Variants in RALGAPA2 observed in about 807,000 individuals in gnomAD.
The protein encoded by RALGAPA2 is Ral GTPase activating protein catalytic subunit alpha 2, also known as ral GTPase-activating protein subunit alpha-2.
Under a neutral mutation model 230.4 loss-of-function variants are expected in RALGAPA2, and 139 were observed. The ratio of observed to expected loss-of-function variants is 0.60; its 90% CI spans 0.53 to 0.69. The LOEUF is 0.69. Ranked by LOEUF, RALGAPA2 falls within the 30% of genes least tolerant of loss-of-function variation. RALGAPA2 has a pLI of 0.00. For synonymous variants in RALGAPA2, 847 were observed against 837.8 expected (o/e 1.01, Z -0.19); for missense variants, 2,163 against 2,276.0 (o/e 0.95, Z 1.01).
At chr20:20,505,078 C>T in intron 34 of RALGAPA2, 2 of 985,386 alleles carry the variant, frequency 2.0e-6, no homozygotes, top group South Asian at 9.4e-5. Context: ...TCTTCAATCT[C>T]CATACTGTGG....
chr20:20,475,301 C>T (rs1049495919), intron 36 of RALGAPA2, among the ~76,000 whole-genome samples: 1 of 151,970 alleles, frequency 6.6e-6, no homozygotes, highest in Admixed American at 6.6e-5. Flanking sequence ...AGCAATGATG[C>T]AAAAATCCTT....
At chr20:20,463,881 T>C (rs1245880724) in intron 37 of RALGAPA2, among the ~76,000 whole-genome samples, 1 of 152,258 alleles carries the variant, frequency 6.6e-6, no homozygotes, top group Non-Finnish European at 1.5e-5. Flanking sequence ...ATGCTTTTGA[T>C]ATGATGACCA....
chr20:20,404,919 C>A (rs1175107651), intron 38 of RALGAPA2, among the ~76,000 whole-genome samples: 2 of 152,218 alleles, frequency 1.3e-5, no homozygotes, highest in Non-Finnish European at 2.9e-5. Flanking sequence ...ATTCTGGGAA[C>A]CTATGAATAC....
intron 3 of RALGAPA2, among the ~76,000 whole-genome samples, chr20:20,657,506 T>C (rs1240640098): frequency 6.6e-6 from 1 of 152,200 alleles, no homozygotes; most frequent in Non-Finnish European, 1.5e-5. Context: ...AATATTCTCA[T>C]CACATTGGAA....
intron 37 of RALGAPA2, among the ~76,000 whole-genome samples, chr20:20,449,326 A>T (rs892217439): frequency 4.6e-5 from 7 of 152,218 alleles, no homozygotes; most frequent in African/African-American, 1.7e-4. Flanking sequence ...AGGGTTGAGG[A>T]AAGCTGTGTG....
At chr20:20,603,883 G>A (rs975931037) in intron 15 of RALGAPA2, among the ~76,000 whole-genome samples, 31 of 152,146 alleles carry the variant, frequency 2.0e-4, no homozygotes, top group African/African-American at 7.5e-4. Context: ...ATTATTAAAG[G>A]GTAGTCTACA....
chr20:20,668,101 T>A (rs550446211), intron 3 of RALGAPA2, among the ~76,000 whole-genome samples: 6 of 152,302 alleles, frequency 3.9e-5, no homozygotes, highest in Non-Finnish European at 8.8e-5. Context: ...TGAAAAGTGG[T>A]CTTTCAAACG....
At chr20:20,426,415 A>G (rs1269334586) in intron 37 of RALGAPA2, among the ~76,000 whole-genome samples, 1 of 152,148 alleles carries the variant, frequency 6.6e-6, no homozygotes, top group Non-Finnish European at 1.5e-5. Context: ...AAAAATATAC[A>G]CATATAGCTC....
intron 23 of RALGAPA2, among the ~76,000 whole-genome samples, chr20:20,557,451 T>A (rs2064118759): frequency 6.6e-6 from 1 of 152,218 alleles, no homozygotes; most frequent in Non-Finnish European, 1.5e-5. Flanking sequence ...TTCCCAGGTT[T>A]ATTATTCACA....
chr20:20,657,515 A>G (rs1383073981), intron 3 of RALGAPA2, among the ~76,000 whole-genome samples: 1 of 152,224 alleles, frequency 6.6e-6, no homozygotes, highest in African/African-American at 2.4e-5. Context: ...ATCACATTGG[A>G]AAGCTGAAGT....
intron 1 of RALGAPA2, among the ~76,000 whole-genome samples, chr20:20,709,306 G>A (rs2069746548): frequency 6.6e-6 from 1 of 151,702 alleles, no homozygotes; most frequent in South Asian, 2.1e-4. Flanking sequence ...GTAACAGAGT[G>A]AGACTCCATC....
At chr20:20,708,525 C>T (rs2147040727) in intron 1 of RALGAPA2, among the ~76,000 whole-genome samples, 1 of 152,280 alleles carries the variant, frequency 6.6e-6, no homozygotes, top group South Asian at 2.1e-4. Context: ...TCTTGCCTGC[C>T]ACCATGTAAG....
chr20:20,559,853 C>T (rs2145829881), intron 23 of RALGAPA2, among the ~76,000 whole-genome samples: 1 of 152,202 alleles, frequency 6.6e-6, no homozygotes, highest in South Asian at 2.1e-4. Context: ...ATGCATCATG[C>T]CCTGTTGTAC....
At chr20:20,623,591 G>T (rs915183618) in intron 10 of RALGAPA2, among the ~76,000 whole-genome samples, 4 of 151,782 alleles carry the variant, frequency 2.6e-5, no homozygotes, top group South Asian at 4.2e-4. Flanking sequence ...AGCCAGGGGA[G>T]ATGGGAACCT....
chr20:20,526,969 A>T (rs2063221540), intron 27 of RALGAPA2, among the ~76,000 whole-genome samples: 2 of 152,308 alleles, frequency 1.3e-5, no homozygotes, highest in Middle Eastern at 3.4e-3. Flanking sequence ...GTGCATCTCA[A>T]GTCACCAACA....
At chr20:20,703,592 T>C (rs181577925) in intron 1 of RALGAPA2, among the ~76,000 whole-genome samples, 3 of 152,334 alleles carry the variant, frequency 2.0e-5, no homozygotes, top group African/African-American at 7.2e-5. Flanking sequence ...AGGTAGTAAT[T>C]TGATTAAATG....
intron 38 of RALGAPA2, among the ~76,000 whole-genome samples, chr20:20,407,381 G>A (rs2059968651): frequency 6.6e-6 from 1 of 152,210 alleles, no homozygotes; most frequent in Admixed American, 6.5e-5. Flanking sequence ...TTTGGGTTAG[G>A]ATTTACTTGT....
intron 6 of RALGAPA2, among the ~76,000 whole-genome samples, chr20:20,640,445 G>C (rs549740989): frequency 1.3e-5 from 2 of 152,230 alleles, no homozygotes; most frequent in Non-Finnish European, 2.9e-5. Flanking sequence ...TCTCTACTTC[G>C]TGCTACTGCC....
intron 24 of RALGAPA2, among the ~76,000 whole-genome samples, chr20:20,538,733 A>G (rs1602701770): frequency 6.6e-6 from 1 of 152,184 alleles, no homozygotes; most frequent in Non-Finnish European, 1.5e-5. Flanking sequence ...AACAATTCAC[A>G]TGTGTTCAGA....
Sources: allele counts gnomAD v4.1 joint callset (sites outside exome capture counted in the v4.1 genomes callset), GRCh38; gene constraint gnomAD v4.1.1; transcripts MANE v1.5; gene names NCBI Gene and HGNC (gene_info 2026-07-23, HGNC 2026-07-21).